The following ADARB2 variants were observed in gnomAD, a reference collection of about 807,000 sequenced individuals.
ADARB2 encodes the protein inactive double-stranded RNA-specific editase B2.
In ADARB2, 25 loss-of-function variants were observed where a neutral mutation model predicts 62.2. That is an observed-to-expected ratio of 0.40 (90% CI 0.29 to 0.56). The LOEUF (loss-of-function observed/expected upper bound fraction) is 0.56, where lower values mean the gene tolerates loss of function less well. Ranked by LOEUF, ADARB2 falls within the 20% of genes least tolerant of loss-of-function variation. The pLI is 0.43. For missense variants in ADARB2, 1,071 were observed against 1,077.4 expected, an observed-to-expected ratio of 0.99 and a Z score of 0.08; for synonymous variants, 572 against 500.8, an observed-to-expected ratio of 1.14 and a Z score of -1.90.
chr10:1,311,414 C>T (rs536179599), intron 3 of ADARB2, among the ~76,000 whole-genome samples: 2 of 152,200 alleles, frequency 1.3e-5, no homozygotes, highest in South Asian at 4.2e-4. Flanking sequence ...GTAACAGGTG[C>T]GATCCTTCAG....
At chr10:1,632,122 G>A (rs1373515162) in intron 1 of ADARB2, among the ~76,000 whole-genome samples, 3 of 152,118 alleles carry the variant, frequency 2.0e-5, no homozygotes, top group Non-Finnish European at 4.4e-5. Flanking sequence ...TGTTCCTAGG[G>A]CCATAAAATA....
chr10:1,607,121 T>C (rs113223845), intron 1 of ADARB2, among the ~76,000 whole-genome samples: 35 of 152,350 alleles, frequency 2.3e-4, no homozygotes, highest in African/African-American at 7.9e-4. Flanking sequence ...ATGTAATCCA[T>C]TTCAGTTAGG....
At chr10:1,504,214 G>A (rs1338814681) in intron 1 of ADARB2, among the ~76,000 whole-genome samples, 2 of 152,190 alleles carry the variant, frequency 1.3e-5, no homozygotes, top group African/African-American at 2.4e-5. Flanking sequence ...CCCTCAACAC[G>A]GAGCCCATCG....
chr10:1,539,235 GTTTA>G (rs1417801270), intron 1 of ADARB2, among the ~76,000 whole-genome samples: 1 of 152,204 alleles, frequency 6.6e-6, no homozygotes, highest in African/African-American at 2.4e-5. Flanking sequence ...CTTGTCTCTC[GTTTA>G]TTTATTTTTT....
chr10:1,727,249 C>T (rs970459598), intron 1 of ADARB2, among the ~76,000 whole-genome samples: 13 of 152,052 alleles, frequency 8.5e-5, no homozygotes, highest in African/African-American at 3.1e-4. Context: ...TTGAGAAATC[C>T]CAACAAAGGA....
chr10:1,213,574 C>T (rs921927725), intron 7 of ADARB2, among the ~76,000 whole-genome samples: 31 of 152,230 alleles, frequency 2.0e-4, no homozygotes, highest in Non-Finnish European at 4.4e-4. Context: ...AGAGAGAGGA[C>T]GCAACTCTGT....
At chr10:1,568,144 C>T (rs1832881626) in intron 1 of ADARB2, among the ~76,000 whole-genome samples, 2 of 152,236 alleles carry the variant, frequency 1.3e-5, no homozygotes. Context: ...ACAGTGTCAC[C>T]TCGCAGGGCC....
intron 1 of ADARB2, among the ~76,000 whole-genome samples, chr10:1,655,790 CG>C (rs1834166746): frequency 6.6e-6 from 1 of 152,146 alleles, no homozygotes; most frequent in African/African-American, 2.4e-5. Flanking sequence ...CTGGAACAAG[CG>C]AGGTTTTGAG....
intron 3 of ADARB2, among the ~76,000 whole-genome samples, chr10:1,295,491 G>C (rs1011918478): frequency 3.5e-4 from 54 of 152,196 alleles, no homozygotes; most frequent in Admixed American, 2.6e-4. Context: ...GATGTCCGAT[G>C]CAATTTAGGA....
At chr10:1,630,874 G>A (rs1833833481) in intron 1 of ADARB2, among the ~76,000 whole-genome samples, 1 of 152,064 alleles carries the variant, frequency 6.6e-6, no homozygotes, top group African/African-American at 2.4e-5. Flanking sequence ...GGAATCACTT[G>A]AACCCAGGAG....
At position 1,379,109 on chromosome 10, in the gene ADARB2, G is replaced by C. The variant is rs527533816; in HGVS notation, c.152C>G (p.Pro51Arg). The change falls in exon 2 of 10, where the codon CCT (proline) becomes CGT (arginine). Residue 51 changes from proline (P) to arginine (R), a missense_variant. By Grantham distance (103) the Pro-to-Arg change is moderately radical. Coordinates refer to ENST00000381312, the MANE Select transcript of ADARB2 (RefSeq NM_018702.4). ...GTCATCCTCCGTGTTTGTGATGCCA[G>C]GACTCAGGTGCTTGAAAGGAGCGAG... ...TFLAPFKHLS[P>R]GITNTEDDDT... 834 of 1,613,964 alleles carry C rather than the reference G, an allele frequency of 5.2e-4. 4 individuals are homozygous for C. The highest frequency in any genetic ancestry group is 5.1e-3 in the South Asian group (462 of 91,062).
chr10:1,576,415 T>C (rs1379547702), intron 1 of ADARB2, among the ~76,000 whole-genome samples: 1 of 150,992 alleles, frequency 6.6e-6, no homozygotes, highest in East Asian at 2.0e-4. Context: ...TCAGGATCAC[T>C]GGAGGGGCTC....
intron 3 of ADARB2, among the ~76,000 whole-genome samples, chr10:1,327,539 T>A (rs1253728512): frequency 2.1e-5 from 1 of 47,736 alleles, no homozygotes; most frequent in South Asian, 7.4e-4. Context: ...GCCTCCTCAC[T>A]GCCCAGCGCC....
At chr10:1,598,200 G>T (rs1031110715) in intron 1 of ADARB2, among the ~76,000 whole-genome samples, 2 of 151,918 alleles carry the variant, frequency 1.3e-5, no homozygotes, top group Non-Finnish European at 2.9e-5. Context: ...TGGGTGCACC[G>T]AGACATTCCC....
At chr10:1,308,836 T>C (rs1016953224) in intron 3 of ADARB2, among the ~76,000 whole-genome samples, 1 of 152,222 alleles carries the variant, frequency 6.6e-6, no homozygotes, top group African/African-American at 2.4e-5. Flanking sequence ...ACAGGATAAA[T>C]AGAGCATGGA....
At chr10:1,364,326 C>A (rs114117968) in intron 2 of ADARB2, among the ~76,000 whole-genome samples, 6,505 of 152,208 alleles carry the variant, frequency 0.043, 437 homozygotes, top group African/African-American at 0.15. Context: ...TGCCCAATGC[C>A]CCCCCAATAC....
intron 1 of ADARB2, among the ~76,000 whole-genome samples, chr10:1,488,488 G>A (rs1000171631): frequency 6.6e-6 from 1 of 152,152 alleles, no homozygotes; most frequent in African/African-American, 2.4e-5. Flanking sequence ...AAATAGACAA[G>A]TGGCCAAATT....
chr10:1,652,103 C>T (rs1445888694), intron 1 of ADARB2, among the ~76,000 whole-genome samples: 1 of 152,176 alleles, frequency 6.6e-6, no homozygotes, highest in Non-Finnish European at 1.5e-5. Context: ...TCTGATTGGC[C>T]ATCCAATATC....
chr10:1,313,821 T>A (rs189272978), intron 3 of ADARB2, among the ~76,000 whole-genome samples: 216 of 152,352 alleles, frequency 1.4e-3, no homozygotes, highest in African/African-American at 5.0e-3. Flanking sequence ...ACCTTCCTTC[T>A]GAGGTTGTAT....
Sources: gnomAD v4.1 joint callset for allele counts (sites outside exome capture counted in the v4.1 genomes callset) on GRCh38, gnomAD v4.1.1 for gene constraint, MANE v1.5 for transcripts, NCBI Gene and HGNC (gene_info 2026-07-23, HGNC 2026-07-21) for gene names.